NCBP2: variants seen among roughly 807,000 people sequenced by gnomAD.
The protein encoded by NCBP2 is nuclear cap binding protein subunit 2, also known as nuclear cap-binding protein subunit 2.
Under a neutral mutation model 21.5 loss-of-function variants are expected in NCBP2, and 8 were observed. The observed-to-expected ratio is 0.37, with a 90% CI of 0.22 to 0.67. The LOEUF (loss-of-function observed/expected upper bound fraction) is 0.67. Ranked by LOEUF, NCBP2 falls within the 30% of genes least tolerant of loss-of-function variation. The pLI, the probability that NCBP2 is intolerant of heterozygous loss-of-function variation, is 0.56. For synonymous variants in NCBP2, 92 were observed against 75.8 expected (o/e 1.21, Z -1.11); for missense variants, 127 against 206.9 (o/e 0.61, Z 2.37).
In NCBP2 at chr3:196,942,519, A is replaced by C. The variant is rs781743471; in HGVS notation, c.-16T>G. 4.4e-6 allele frequency: 7 copies of C among 1,608,518 alleles called. No individual in the cohort carries two copies. Among genetic ancestry groups the C allele is most frequent in the East Asian group, 2.2e-5 (1 of 44,712 alleles). The stretch of plus-strand genomic sequence containing the variant: ...CACCCGACATAGTGCAGAGAAGCGG[A>C]CCACAATGCGGCGACTCCCGGCACG... On this transcript the variant is annotated 5_prime_UTR_variant, in exon 1 of 4. Coordinates refer to ENST00000321256, the MANE Select transcript of NCBP2 (RefSeq NM_007362.5).
chr3:196,936,763 C>T lies in NCBP2; in HGVS notation c.*248G>A, dbSNP rs1432984713. ...CAACATTACAGATCCAATCTGTTGT[C>T]AAAGAACACAATTTCTGACCTGGTA... On this transcript the variant is annotated 3_prime_UTR_variant, in exon 4 of 4. Coordinates refer to ENST00000321256, the MANE Select transcript of NCBP2 (RefSeq NM_007362.5). 5.4e-6 allele frequency: 3 copies of T among 557,830 alleles called. No individual in the cohort carries two copies. The Admixed American group carries it at 9.4e-5, about 18-fold the overall frequency. The allele number at this position is 557,830 out of a possible 1,614,324, so 34.6% of individuals were successfully genotyped here. A position where few individuals can be genotyped will look rare whatever the true frequency, so the allele number is the denominator to read the frequency against.
intron 1 of NCBP2, chr3:196,941,854 G>A (rs1716595073): frequency 2.7e-6 from 4 of 1,486,382 alleles, no homozygotes; most frequent in Non-Finnish European, 3.6e-6. Context: ...CCCTCAAAGT[G>A]CCGAGCTTGG....
At chr3:196,942,039 A>T (rs996985043) in intron 1 of NCBP2, 2 of 1,535,234 alleles carry the variant, frequency 1.3e-6, no homozygotes, top group Non-Finnish European at 1.7e-6. Context: ...CCGCATCTGC[A>T]TCAGGAAGGC....
At chr3:196,939,212 C>G in intron 2 of NCBP2, 39 bp downstream of exon 2, 2 of 1,582,310 alleles carry the variant, frequency 1.3e-6, no homozygotes, top group Non-Finnish European at 1.7e-6. Context: ...TCAGCTCTAC[C>G]CTGGTTCAGC....
chr3:196,936,488 C>A lies in NCBP2; in HGVS notation c.*523G>T, dbSNP rs1716269269. On this transcript the variant is annotated 3_prime_UTR_variant, in exon 4 of 4. Coordinates refer to ENST00000321256, the MANE Select transcript of NCBP2 (RefSeq NM_007362.5). ...ACGGGGTCTTGCTATGTTGCCCAGTCTAGTCTCAAACTCCTGGCCTCAAGC... is the reference window on the plus strand; with the variant it reads ...ACGGGGTCTTGCTATGTTGCCCAGTATAGTCTCAAACTCCTGGCCTCAAGC... 1 of 157,108 alleles carries A rather than the reference C, an allele frequency of 6.4e-6. No homozygotes were observed. The highest frequency in any genetic ancestry group is 2.4e-5 in the African/African-American group (1 of 41,474). The allele number at this position is 157,108 out of a possible 1,614,324, so 9.7% of individuals were successfully genotyped here.
chr3:196,942,227 C>T (rs1716625135), intron 1 of NCBP2, 199 bp downstream of exon 1: 1 of 1,461,580 alleles, frequency 6.8e-7, no homozygotes, highest in Non-Finnish European at 9.0e-7. Context: ...TCCAGTTCCC[C>T]GTCTTCCAGA....
chr3:196,938,390 CAT>C (rs1258069466), intron 2 of NCBP2: 1 of 152,056 alleles, frequency 6.6e-6, no homozygotes, highest in African/African-American at 2.4e-5. Context: ...CCGAAACAAA[CAT>C]AATTCAGGGC....
chr3:196,942,082 C>T lies in NCBP2; in HGVS notation c.78+344G>A, dbSNP rs1194667664. The T allele has an allele frequency of 3.3e-6, 5 of 1,512,342 alleles. No individual in the cohort carries two copies. In the African/African-American group the frequency reaches 4.2e-5, roughly 13 times the overall value. The allele number at this position is 1,512,342 out of a possible 1,614,324, so 93.7% of individuals were successfully genotyped here. On this transcript the variant is annotated intron_variant, in intron 1 of 3. Coordinates refer to ENST00000321256, the MANE Select transcript of NCBP2 (RefSeq NM_007362.5). ...CCTACTCTGGGAGAGAGAAGGGCAC[C>T]CCTCCCCCTTGCTACGTAGTCGTCT...
In NCBP2 at chr3:196,940,290, T is replaced by C. The variant is rs577163146; in HGVS notation, c.79-858A>G. Among the ~76,000 whole-genome samples, 14 of 152,220 alleles carry C rather than the reference T, an allele frequency of 9.2e-5. No homozygotes were observed. The South Asian group carries it at 1.0e-3, about 11-fold the overall frequency. On this transcript the variant is annotated intron_variant, in intron 1 of 3. Transcript: ENST00000321256. ...GGGAGGCTGAAGCAGGAGAATCGCT[T>C]GAACCTGGGAGGTGGAGGTTGCAGG...
At chr3:196,942,405 T>TG in intron 1 of NCBP2, 21 bp downstream of exon 1, 3 of 1,609,876 alleles carry the variant, frequency 1.9e-6, no homozygotes, top group Non-Finnish European at 2.5e-6. Flanking sequence ...CCTTCCCGTC[T>TG]CGCGGCCCGG....
chr3:196,940,174 G>A (rs1488248751), intron 1 of NCBP2: 1 of 152,234 alleles, frequency 6.6e-6, no homozygotes, highest in East Asian at 1.9e-4. Context: ...AGACCAGCCT[G>A]GCTAACATAG....
Position 196,936,677 on chromosome 3 carries a change from AAAC to A in NCBP2, c.*331_*333del. 3.1e-6 allele frequency: 1 copy of A among 322,532 alleles called. No individual in the cohort carries two copies. The highest frequency in any genetic ancestry group is 7.0e-5 in the East Asian group (1 of 14,304). The allele number at this position is 322,532 out of a possible 1,614,324, so 20.0% of individuals were successfully genotyped here. A position where few individuals can be genotyped will look rare whatever the true frequency, so the allele number is the denominator to read the frequency against. The stretch of plus-strand genomic sequence containing the variant: ...ACCTACTTAAGACTCATTATGGTAA[AAAC>A]AAATTCTTACATTTTTCTGTCTTTC... On this transcript the variant is annotated 3_prime_UTR_variant, in exon 4 of 4. Transcript: ENST00000321256.
Position 196,939,326 on chromosome 3 carries a change from TTGC to T in NCBP2, c.182_184del (p.Ser61del), listed in dbSNP as rs1185212688. 1 of 1,613,536 alleles carries T rather than the reference TTGC, an allele frequency of 6.2e-7. No homozygotes were observed. Among genetic ancestry groups the T allele is most frequent in the South Asian group, 1.1e-5 (1 of 91,080 alleles). ...AATGATTTTCTTTATGTCACCACTTTTGCTGAAGAGTTCATAGATTTGTTCTTC... is the reference window on the plus strand; with the variant it reads ...AATGATTTTCTTTATGTCACCACTTTTGAAGAGTTCATAGATTTGTTCTTC... On this transcript the variant is annotated inframe_deletion, in exon 2 of 4. Transcript: ENST00000321256.
At chr3:196,939,139 AAGT>A (rs1716407055) in intron 2 of NCBP2, 109 bp downstream of exon 2, 1 of 855,314 alleles carries the variant, frequency 1.2e-6, no homozygotes, top group Non-Finnish European at 1.9e-6. Context: ...ACTGGGTGGA[AAGT>A]AGGAGGGAGA....
intron 2 of NCBP2, chr3:196,937,954 CA>C (rs1716345226): frequency 3.1e-6 from 1 of 321,326 alleles, no homozygotes; most frequent in South Asian, 3.5e-5. Context: ...TCCAAGAAAC[CA>C]GTGCTGTATA....
intron 1 of NCBP2, chr3:196,942,134 G>GCC: frequency 1.4e-6 from 2 of 1,465,626 alleles, no homozygotes; most frequent in Admixed American, 5.1e-5. Context: ...GGAAACGGGA[G>GCC]CCGCCACCAC....
At chr3:196,941,972 G>A (rs1386866046) in intron 1 of NCBP2, 1 of 1,536,324 alleles carries the variant, frequency 6.5e-7, no homozygotes, top group Non-Finnish European at 8.7e-7. Flanking sequence ...CCCAGAGAAG[G>A]GGCCCGAATC....
chr3:196,938,677 C>T (rs1426222487), intron 2 of NCBP2: 3 of 152,260 alleles, frequency 2.0e-5, no homozygotes, highest in Non-Finnish European at 4.4e-5. Flanking sequence ...CCGTCACCCC[C>T]GCTGGAACAC....
chr3:196,942,120 C>G, intron 1 of NCBP2: 4 of 1,471,444 alleles, frequency 2.7e-6, no homozygotes, highest in Non-Finnish European at 3.6e-6. Context: ...GGAGGCACAA[C>G]CGTGGAAACG....
Sources: allele counts gnomAD v4.1 joint callset (sites outside exome capture counted in the v4.1 genomes callset), GRCh38; gene constraint gnomAD v4.1.1; transcripts MANE v1.5; gene names NCBI Gene and HGNC (gene_info 2026-07-23, HGNC 2026-07-21).